The following UBA6 variants were observed in gnomAD, a reference collection of about 807,000 sequenced individuals.
UBA6 encodes the protein ubiquitin like modifier activating enzyme 6, also known as ubiquitin-like modifier-activating enzyme 6.
Under a neutral mutation model 148.3 loss-of-function variants are expected in UBA6, and 87 were observed. The observed-to-expected ratio is 0.59, with a 90% CI of 0.49 to 0.70. The LOEUF (loss-of-function observed/expected upper bound fraction) is 0.70. Among genes scored for constraint, UBA6 ranks in the 30% least tolerant of loss-of-function variants. UBA6 has a pLI of 0.00. For synonymous variants in UBA6, 376 were observed against 401.0 expected (o/e 0.94, Z 0.75); for missense variants, 1,186 against 1,241.2 (o/e 0.96, Z 0.67).
chr4:67,663,843 T>A (rs771728271), intron 11 of UBA6, 42 bp downstream of exon 11: 2 of 1,532,932 alleles, frequency 1.3e-6, no homozygotes, highest in African/African-American at 2.7e-5. Flanking sequence ...TTCTCATCTC[T>A]GATTCTGCTG....
At chr4:67,664,026 C>G (rs757299484) in intron 10 of UBA6, 79 bp from the exon 11 acceptor site, 11 of 1,154,818 alleles carry the variant, frequency 9.5e-6, no homozygotes, top group Non-Finnish European at 1.3e-5. Context: ...TGTCAGTGCG[C>G]TAAAAACTAG....
At chr4:67,661,914 C>A in intron 13 of UBA6, 1 of 422,034 alleles carries the variant, frequency 2.4e-6, no homozygotes, top group South Asian at 8.7e-5. Flanking sequence ...ATAATAGTAA[C>A]AGTTAAAAAA....
At chr4:67,631,487 A>C (rs2109901716) in intron 25 of UBA6, among the ~76,000 whole-genome samples, 1 of 152,352 alleles carries the variant, frequency 6.6e-6, no homozygotes, top group Non-Finnish European at 1.5e-5. Context: ...TATTATAAAT[A>C]ATGAGGTTAT....
intron 7 of UBA6, among the ~76,000 whole-genome samples, chr4:67,671,236 A>G (rs1730141057): frequency 1.3e-5 from 2 of 152,200 alleles, no homozygotes. Flanking sequence ...ACTGCTAATA[A>G]AGAGAAATCC....
At chr4:67,678,118 T>C (rs941436705) in intron 5 of UBA6, among the ~76,000 whole-genome samples, 22 of 126,128 alleles carry the variant, frequency 1.7e-4, no homozygotes, top group Admixed American at 6.2e-4. Flanking sequence ...TAATATATAT[T>C]ATATAATACA....
At chr4:67,658,563 G>C (rs866828649) in intron 13 of UBA6, among the ~76,000 whole-genome samples, 7 of 152,108 alleles carry the variant, frequency 4.6e-5, no homozygotes, top group Non-Finnish European at 8.8e-5. Context: ...GTGGGAAGAG[G>C]GGGCGGAAAT....
chr4:67,647,011 T>C (rs896763353), intron 14 of UBA6, among the ~76,000 whole-genome samples: 30 of 152,248 alleles, frequency 2.0e-4, no homozygotes, highest in African/African-American at 7.0e-4. Context: ...ACAGATATAA[T>C]TTGATTCATG....
At chr4:67,700,936 G>A (rs954289652) in intron 1 of UBA6, 113 bp downstream of exon 1, 1 of 1,345,844 alleles carries the variant, frequency 7.4e-7, no homozygotes, top group South Asian at 1.2e-5. Flanking sequence ...GGCCGGCTCT[G>A]CTCGGCCCCG....
intron 2 of UBA6, among the ~76,000 whole-genome samples, chr4:67,695,732 T>G (rs1730817378): frequency 6.6e-6 from 1 of 152,148 alleles, no homozygotes; most frequent in African/African-American, 2.4e-5. Context: ...AACCATATTT[T>G]ATAATCAAGA....
intron 13 of UBA6, among the ~76,000 whole-genome samples, chr4:67,659,393 T>C (rs1316375034): frequency 6.6e-6 from 1 of 152,078 alleles, no homozygotes; most frequent in Non-Finnish European, 1.5e-5. Context: ...GGTTCTCCCA[T>C]GCTGTTCTGA....
intron 14 of UBA6, among the ~76,000 whole-genome samples, chr4:67,647,119 C>T (rs17088553): frequency 0.12 from 18,524 of 152,044 alleles, 1,288 homozygotes; most frequent in South Asian, 0.21. Context: ...GCTTTAGAAG[C>T]CCCCATTCAA....
rs968032745 is a variant in UBA6 at position 67,671,580 on chromosome 4, C to T, written c.547-988G>A. Among the ~76,000 whole-genome samples, 4 of 151,844 alleles carry T rather than the reference C, an allele frequency of 2.6e-5. No individual in the cohort carries two copies. The South Asian group carries it at 8.3e-4, about 31-fold the overall frequency. ...GTAGTTATTTTGTAATACTGCTGTG[C>T]CCTATTGTAAGTTCAGTGGCTATTC... is the stretch of plus-strand genomic sequence containing the variant. On this transcript the variant is annotated intron_variant, in intron 7 of 32. Coordinates refer to ENST00000322244, the MANE Select transcript of UBA6 (RefSeq NM_018227.6).
intron 27 of UBA6, among the ~76,000 whole-genome samples, chr4:67,627,704 T>C (rs1197808906): frequency 1.3e-5 from 2 of 151,592 alleles, no homozygotes; most frequent in Non-Finnish European, 3.0e-5. Context: ...TTTTTTTTTT[T>C]CCTAAAATAA....
At chr4:67,646,198 G>A (rs991885209) in intron 15 of UBA6, among the ~76,000 whole-genome samples, 182 bp from the exon 16 acceptor site, 3 of 152,032 alleles carry the variant, frequency 2.0e-5, no homozygotes, top group Non-Finnish European at 4.4e-5. Flanking sequence ...TTTTCCACTT[G>A]GCTTAATAGT....
chr4:67,664,683 G>T (rs1729947844), intron 10 of UBA6, among the ~76,000 whole-genome samples: 1 of 151,654 alleles, frequency 6.6e-6, no homozygotes, highest in South Asian at 2.1e-4. Flanking sequence ...GTCGTTTTTA[G>T]AAATTATTTT....
At chr4:67,639,731 T>C (rs988523920) in intron 18 of UBA6, among the ~76,000 whole-genome samples, 4 of 152,174 alleles carry the variant, frequency 2.6e-5, no homozygotes, top group African/African-American at 9.7e-5. Flanking sequence ...TATACACACA[T>C]ACCTATGATA....
chr4:67,640,564 T>C (rs369299949), intron 18 of UBA6, among the ~76,000 whole-genome samples: 45 of 152,348 alleles, frequency 3.0e-4, no homozygotes, highest in Admixed American at 1.2e-3. Flanking sequence ...TCCTCCTGTG[T>C]TGGCCTCCCA....
intron 9 of UBA6, among the ~76,000 whole-genome samples, chr4:67,667,647 T>C (rs755264208): frequency 1.3e-5 from 2 of 152,218 alleles, no homozygotes; most frequent in African/African-American, 2.4e-5. Flanking sequence ...TAGTTATGCG[T>C]TGTCCAGTAC....
In UBA6 at chr4:67,623,128, A is replaced by T. The variant is rs541388308; in HGVS notation, c.2928+7T>A. On this transcript the variant is annotated splice_region_variant and intron_variant, in intron 31 of 32. Coordinates refer to ENST00000322244, the MANE Select transcript of UBA6 (RefSeq NM_018227.6). Reference sequence around the variant, plus strand: ...ACTAATGAACTAAATGAACAAAAGTATCTCACTTTGACTGCATTTATGAAA... The same window carrying T: ...ACTAATGAACTAAATGAACAAAAGTTTCTCACTTTGACTGCATTTATGAAA... 2.5e-6 allele frequency: 4 copies of T among 1,602,982 alleles called. No homozygotes were observed. The South Asian group carries it at 4.5e-5, about 18-fold the overall frequency.
Sources: allele counts gnomAD v4.1 joint callset (sites outside exome capture counted in the v4.1 genomes callset), GRCh38; gene constraint gnomAD v4.1.1; transcripts MANE v1.5; gene names NCBI Gene and HGNC (gene_info 2026-07-23, HGNC 2026-07-21).